The following SLC11A1 variants were observed in gnomAD, a reference collection of about 807,000 sequenced individuals.
SLC11A1 encodes solute carrier family 11 member 1, also known as natural resistance-associated macrophage protein 1.
In SLC11A1, 59 loss-of-function variants were observed where a neutral mutation model predicts 63.2. The observed-to-expected ratio is 0.93, with a 90% CI of 0.76 to 1.16. The LOEUF (loss-of-function observed/expected upper bound fraction) is 1.16. Ranked by LOEUF, SLC11A1 falls within the 50% of genes most tolerant of loss-of-function variation. The pLI is 0.00. For synonymous variants in SLC11A1, 305 were observed against 307.8 expected (o/e 0.99, Z 0.09); for missense variants, 688 against 730.7 (o/e 0.94, Z 0.67).
chr2:218,391,583 CTCTTT>C (rs750953531), intron 11 of SLC11A1, 88 bp downstream of exon 11: 55 of 1,359,026 alleles, frequency 4.0e-5, no homozygotes, highest in South Asian at 2.9e-4. Flanking sequence ...CTTGTGGGTC[CTCTTT>C]TCTTTTCTTT....
At position 218,393,844 on chromosome 2, in the gene SLC11A1, A is replaced by T. The variant is rs548848614; in HGVS notation, c.1315-276A>T. 1.1e-3 allele frequency among the ~76,000 whole-genome samples: 165 copies of T among 150,816 alleles called. 1 individual carries two copies. In the South Asian group the frequency reaches 0.033, roughly 31 times the overall value. The stretch of plus-strand genomic sequence containing the variant: ...GTTTGTTGCCCAGGCTCATTATTCC[A>T]TTTTACAGATGGGAAAACTGATGCA... On this transcript the variant is annotated intron_variant, in intron 12 of 14. Coordinates refer to ENST00000233202, the MANE Select transcript of SLC11A1 (RefSeq NM_000578.4).
rs73073053 is a variant in SLC11A1, at chr2:218,383,261, G to A, written c.150+159G>A. 8.7e-4 allele frequency: 620 copies of A among 714,968 alleles called. 6 individuals carry two copies. The African/African-American group carries it at 1.0e-2, about 11-fold the overall frequency. The allele number at this position is 714,968 out of a possible 1,614,324, so 44.3% of individuals were successfully genotyped here. ...GTGGCAACTGCCCCTTCCTGCTTCC[G>A]TCCCCAGTGCTTAGCTGGGGTGCTT... On this transcript the variant is annotated intron_variant, in intron 2 of 14. Coordinates refer to ENST00000233202, the MANE Select transcript of SLC11A1 (RefSeq NM_000578.4).
chr2:218,387,140 C>G lies in SLC11A1; in HGVS notation c.501-20C>G. On this transcript the variant is annotated intron_variant, in intron 5 of 14. Coordinates refer to ENST00000233202, the MANE Select transcript of SLC11A1 (RefSeq NM_000578.4). ...GACCCCTGGACCAGGCTGGGCTGAC[C>G]CGGGCCACTCTGGTTTCAGAATCCC... The G allele has an allele frequency of 6.2e-7, 1 of 1,613,252 alleles. No homozygotes were observed. The highest frequency in any genetic ancestry group is 1.1e-5 in the South Asian group (1 of 91,060).
intron 4 of SLC11A1, among the ~76,000 whole-genome samples, chr2:218,385,878 G>A (rs892226459): frequency 2.6e-5 from 4 of 152,180 alleles, no homozygotes; most frequent in African/African-American, 9.7e-5. Context: ...TGGGGACTTC[G>A]TTGTTGTGAG....
rs1696750663 is a variant in SLC11A1, at chr2:218,396,175, GGCTCGC to G, written c.*1143_*1148del. The G allele has an allele frequency of 4.0e-4, 1 of 2,520 alleles. No homozygotes were observed. The highest frequency in any genetic ancestry group is 7.1e-4 in the Non-Finnish European group (1 of 1,418). The allele number at this position is 2,520 out of a possible 1,614,324, so 0.2% of individuals were successfully genotyped here. The stretch of plus-strand genomic sequence containing the variant: ...ACGACGCGGGGAGGCGGGCGCTCGG[GGCTCGC>G]GCCAGGGGCCCCAGAATCCTTCGGG... On this transcript the variant is annotated 3_prime_UTR_variant, in exon 15 of 15. Transcript: ENST00000233202.
At chr2:218,385,050 C>G (rs1417994709) in intron 3 of SLC11A1, 97 bp from the exon 4 acceptor site, 5 of 1,537,786 alleles carry the variant, frequency 3.3e-6, no homozygotes, top group African/African-American at 2.7e-5. Context: ...CTCCCACCCC[C>G]TCCCCGAGGA....
Position 218,394,322 on chromosome 2 carries a change from C to G in SLC11A1, c.1388+129C>G, listed in dbSNP as rs1014205090. 3.1e-6 allele frequency: 3 copies of G among 972,840 alleles called. No individual in the cohort carries two copies. The African/African-American group carries it at 4.9e-5, about 16-fold the overall frequency. 60.3% of individuals were successfully genotyped at this position (972,840 alleles called of 1,614,324 possible). On this transcript the variant is annotated intron_variant, in intron 13 of 14. Transcript: ENST00000233202. ...ACAGAGGCTGAGAGAGGTTAAGGGA[C>G]TTACCCAGGTTCACACAGCTAGCAA...
Position 218,394,797 on chromosome 2 carries a change from C to G in SLC11A1, c.1542+12C>G. 6.2e-7 allele frequency: 1 copy of G among 1,611,078 alleles called. No individual in the cohort carries two copies. The highest frequency in any genetic ancestry group is 8.5e-7 in the Non-Finnish European group (1 of 1,179,888). On this transcript the variant is annotated intron_variant, in intron 14 of 14. Coordinates refer to ENST00000233202, the MANE Select transcript of SLC11A1 (RefSeq NM_000578.4). ...TCAGCACCTACCTGGTACAGTAGGG[C>G]CAGGGGATGCCTTGGGAATGGATGA...
chr2:218,394,124 C>G lies in SLC11A1; in HGVS notation c.1319C>G (p.Pro440Arg). The change falls in exon 13 of 15, where the codon CCG (proline) becomes CGG (arginine). Residue 440 changes from proline to arginine, a missense_variant. Transcript: ENST00000233202. ...LLNVLQSLLL[P>R]FAVLPILTFT... ...GGCTCCTGCTGCTCTCCCCAGCTCC[C>G]GTTCGCCGTGCTGCCCATCCTCACG... 1.2e-6 allele frequency: 2 copies of G among 1,614,022 alleles called. No homozygotes were observed. Among genetic ancestry groups the G allele is most frequent in the East Asian group, 2.2e-5 (1 of 44,886 alleles).
In SLC11A1 at chr2:218,384,935, C is replaced by T. The variant is rs939959943; in HGVS notation, c.274-212C>T. ...TGGGGGTCTCACTATGTTGCTCAGGCTGCTCTTGAACTCCTGGACTCAAGC... is the reference window on the plus strand; with the variant it reads ...TGGGGGTCTCACTATGTTGCTCAGGTTGCTCTTGAACTCCTGGACTCAAGC... On this transcript the variant is annotated intron_variant, in intron 3 of 14. Coordinates refer to ENST00000233202, the MANE Select transcript of SLC11A1 (RefSeq NM_000578.4). This position sits in a 1 kb window ranked among gnomAD's most constrained non-coding sequence, Gnocchi z 4.0. The T allele has an allele frequency of 2.0e-5, 11 of 537,846 alleles. No homozygotes were observed. The highest frequency in any genetic ancestry group is 3.7e-5 in the Non-Finnish European group (11 of 300,254). 33.3% of individuals were successfully genotyped at this position (537,846 alleles called of 1,614,324 possible).
chr2:218,387,750 G>C, intron 7 of SLC11A1, 50 bp from the exon 8 acceptor site: 1 of 1,612,026 alleles, frequency 6.2e-7, no homozygotes, highest in South Asian at 1.1e-5. Context: ...TGGTGACCGC[G>C]GCGTGGTTGC....
At chr2:218,383,931 AC>A in intron 2 of SLC11A1, 1 of 192,836 alleles carries the variant, frequency 5.2e-6, no homozygotes, top group East Asian at 1.2e-4. Context: ...TGGCCCCCTC[AC>A]CCCCTTAGAC....
At position 218,396,823 on chromosome 2, in the gene SLC11A1, C is replaced by A. The variant is rs1696813406; in HGVS notation, c.*1788C>A. Reference sequence around the variant, plus strand: ...CCCCTCTTGGCATTGAGTGCCAGTCCTCTGCCAGGCTCTGTGTTACAAGTT... The same window carrying A: ...CCCCTCTTGGCATTGAGTGCCAGTCATCTGCCAGGCTCTGTGTTACAAGTT... On this transcript the variant is annotated 3_prime_UTR_variant, in exon 15 of 15. Coordinates refer to ENST00000233202, the MANE Select transcript of SLC11A1 (RefSeq NM_000578.4). 1 of 152,568 alleles carries A rather than the reference C, an allele frequency of 6.6e-6. No individual in the cohort carries two copies. The highest frequency in any genetic ancestry group is 2.4e-5 in the African/African-American group (1 of 41,466). 9.5% of individuals were successfully genotyped at this position (152,568 alleles called of 1,614,324 possible).
At chr2:218,393,970 AAGGCAGGAGACGGGGAAGT>A in intron 12 of SLC11A1, 131 bp from the exon 13 acceptor site, 1 of 647,102 alleles carries the variant, frequency 1.5e-6, no homozygotes, top group Non-Finnish European at 2.6e-6. Context: ...ACAACCTGAT[AAGGCAGGAGACGGGGAAGT>A]AGGCTCAGTG....
chr2:218,386,859 G>C (rs1404578822), intron 5 of SLC11A1, 118 bp downstream of exon 5: 5 of 763,844 alleles, frequency 6.5e-6, no homozygotes, highest in South Asian at 6.2e-5. Context: ...CTGAAGCAGG[G>C]CTGCTGCCCT....
intron 12 of SLC11A1, 60 bp downstream of exon 12, chr2:218,393,190 A>C: frequency 7.0e-7 from 1 of 1,425,236 alleles, no homozygotes; most frequent in Non-Finnish European, 9.2e-7. Flanking sequence ...ACCTCCAGCA[A>C]CCCCCACGCT....
In SLC11A1 at chr2:218,389,950, G is replaced by C. The variant is rs764114648; in HGVS notation, c.876G>C (p.Leu292=). 1.9e-6 allele frequency: 3 copies of C among 1,614,050 alleles called. No individual in the cohort carries two copies. The highest frequency in any genetic ancestry group is 4.5e-5 in the East Asian group (2 of 44,876). Reference sequence around the variant, plus strand: ...TCCTGATTGAGGCCACCATCGCCCTGTCCGTCTCCTTTATCATCAACCTCT... The same window carrying C: ...TCCTGATTGAGGCCACCATCGCCCTCTCCGTCTCCTTTATCATCAACCTCT... The part of the protein sequence containing the change: ...MYFLIEATIA[L]SVSFIINLFV... Residue 292 remains leucine (L), a synonymous_variant, in exon 9 of 15, where the codon CTG becomes CTC. Transcript: ENST00000233202.
Position 218,396,018 on chromosome 2 carries a change from A to C in SLC11A1, c.*983A>C, listed in dbSNP as rs1467225204. On this transcript the variant is annotated 3_prime_UTR_variant, in exon 15 of 15. Transcript: ENST00000233202. ...GGCCCAAATTATTTGCTGTTTCCTC[A>C]GGGGAGCCGGCGGCCGCGACTCCCA... 2 of 152,346 alleles carry C rather than the reference A, an allele frequency of 1.3e-5. No homozygotes were observed. Among genetic ancestry groups the C allele is most frequent in the Admixed American group, 1.3e-4 (2 of 15,284 alleles). 9.4% of individuals were successfully genotyped at this position (152,346 alleles called of 1,614,324 possible).
intron 8 of SLC11A1, 96 bp from the exon 9 acceptor site, chr2:218,389,772 GTA>G (rs1363932062): frequency 1.0e-5 from 13 of 1,289,154 alleles, no homozygotes; most frequent in Non-Finnish European, 1.4e-5. Context: ...ACTTAAGAAG[GTA>G]CTGGGCTTTG....
Sources: gnomAD v4.1 joint callset for allele counts (sites outside exome capture counted in the v4.1 genomes callset) on GRCh38, gnomAD v4.1.1 for gene constraint, Gnocchi (gnomAD v3.1) non-coding constraint, MANE v1.5 for transcripts, NCBI Gene and HGNC (gene_info 2026-07-23, HGNC 2026-07-21) for gene names.